FRMPD4: variants seen among roughly 807,000 people sequenced by gnomAD.
The protein encoded by FRMPD4 is FERM and PDZ domain-containing protein 4.
A neutral mutation model predicts 94.1 loss-of-function variants in FRMPD4; 22 were observed. The observed-to-expected ratio is 0.23, with a 90% confidence interval of 0.17 to 0.33. The LOEUF (loss-of-function observed/expected upper bound fraction) is 0.33, where lower values mean the gene tolerates loss of function less well. Ranked by LOEUF, FRMPD4 falls within the 10% of genes least tolerant of loss-of-function variation. The pLI, the probability that FRMPD4 is intolerant of heterozygous loss-of-function variation, is 1.00. For synonymous variants in FRMPD4, 631 were observed against 548.6 expected (o/e 1.15, Z -2.10); for missense variants, 1,111 against 1,339.9 (o/e 0.83, Z 2.67).
chrX:12,143,162 A>G, intron 1 of FRMPD4, among the ~76,000 whole-genome samples: 1 of 112,025 alleles, frequency 8.9e-6, no homozygotes, highest in East Asian at 2.8e-4. Flanking sequence ...GAAATCTACC[A>G]CTGTTACCAT....
chrX:12,335,262 G>C (rs2055498439), intron 1 of FRMPD4, among the ~76,000 whole-genome samples: 1 of 109,924 alleles, frequency 9.1e-6, no homozygotes, highest in African/African-American at 3.3e-5. Flanking sequence ...GATTAGCTGG[G>C]ACTACAGGCA....
intron 1 of FRMPD4, among the ~76,000 whole-genome samples, chrX:12,438,173 G>A (rs1368886572): frequency 9.0e-6 from 1 of 110,878 alleles, no homozygotes; most frequent in South Asian, 3.8e-4. Context: ...TTCAGGTGAC[G>A]TTATAAGGGA....
intron 3 of FRMPD4, chrX:12,614,104 G>T: frequency 8.7e-6 from 1 of 115,246 alleles, no homozygotes. Flanking sequence ...CTGTGAGGGA[G>T]GAAGGGGACA....
chrX:12,137,921 T>C (rs1468775051), upstream of FRMPD4, among the ~76,000 whole-genome samples: 2 of 112,330 alleles, frequency 1.8e-5, no homozygotes, highest in Admixed American at 9.4e-5. Flanking sequence ...CCTTAGATTC[T>C]GAGCCCGGTT....
chrX:12,050,410 T>C lies in FRMPD4; in HGVS notation c.95+172392T>C, dbSNP rs185493477. 6.8e-4 allele frequency among the ~76,000 whole-genome samples: 76 copies of C among 112,018 alleles called. No homozygotes were observed. In the Admixed American group the frequency reaches 7.0e-3, roughly 10 times the overall value. On this transcript the variant is annotated intron_variant, in intron 3 of 18. Coordinates refer to the FRMPD4 transcript ENST00000640291. Reference sequence around the variant, plus strand: ...GTACAGGTTTGTTGCCTAGGAACAATAGGTTATATCATATAACCGAGGTGT... The same window carrying C: ...GTACAGGTTTGTTGCCTAGGAACAACAGGTTATATCATATAACCGAGGTGT...
At chrX:12,210,353 T>G (rs2056740567) in intron 1 of FRMPD4, among the ~76,000 whole-genome samples, 1 of 111,104 alleles carries the variant, frequency 9.0e-6, no homozygotes, top group African/African-American at 3.3e-5. Flanking sequence ...CAAACTAGCT[T>G]GAGCCAGCAG....
chrX:12,720,038 AGGAAAGGAAAG>A (rs781156134), intron 16 of FRMPD4, among the ~76,000 whole-genome samples: 4,301 of 48,279 alleles, frequency 0.089, 125 homozygotes, highest in Middle Eastern at 0.13. Flanking sequence ...AGGAAAGGAA[AGGAAAGGAAAG>A]GAAAGAAAGA....
At chrX:11,949,365 A>C (rs1319825079) in intron 3 of FRMPD4, among the ~76,000 whole-genome samples, 3 of 111,873 alleles carry the variant, frequency 2.7e-5, no homozygotes, top group Non-Finnish European at 5.6e-5. Flanking sequence ...AAGGATTCCT[A>C]TTTTGAGAGT....
intron 1 of FRMPD4, among the ~76,000 whole-genome samples, chrX:12,312,615 C>T (rs1293561550): frequency 9.0e-6 from 1 of 110,986 alleles, no homozygotes; most frequent in African/African-American, 3.3e-5. Context: ...TGTTTGTTTC[C>T]ACTTGTTCAG....
chrX:12,076,789 A>C (rs763476397), intron 3 of FRMPD4, among the ~76,000 whole-genome samples: 8 of 110,950 alleles, frequency 7.2e-5, no homozygotes, highest in Non-Finnish European at 1.3e-4. Context: ...TCCTTGCTCA[A>C]ATTCCACAAA....
chrX:12,283,634 C>CT (rs58266866), intron 1 of FRMPD4, among the ~76,000 whole-genome samples: 97 of 101,346 alleles, frequency 9.6e-4, no homozygotes, highest in Middle Eastern at 9.9e-3. Context: ...AACCATTTTC[C>CT]TTTTTTTTTT....
At chrX:12,645,392 G>A (rs1266491452) in intron 4 of FRMPD4, among the ~76,000 whole-genome samples, 3 of 78,982 alleles carry the variant, frequency 3.8e-5, no homozygotes, top group Non-Finnish European at 6.7e-5. Flanking sequence ...TCTCACTCTC[G>A]TTGCCTAGGC....
In FRMPD4 at chrX:12,722,909, G is replaced by A. The variant is rs980998718; in HGVS notation, c.*1051G>A. 9.0e-6 allele frequency: 1 copy of A among 111,439 alleles called. No homozygotes were observed. Among genetic ancestry groups the A allele is most frequent in the African/African-American group, 3.3e-5 (1 of 30,620 alleles). 9.2% of individuals were successfully genotyped at this position (111,439 alleles called of 1,213,427 possible). A position where few individuals can be genotyped will look rare whatever the true frequency, so the allele number is the denominator to read the frequency against. ...GTCTCATCTCAGATCACAGCTCTCA[G>A]CATAGGGCTTCATGCATCACCGCCT... On this transcript the variant is annotated 3_prime_UTR_variant, in exon 17 of 17. Coordinates refer to ENST00000675598, the MANE Select transcript of FRMPD4 (RefSeq NM_001368397.1).
intron 11 of FRMPD4, among the ~76,000 whole-genome samples, chrX:12,705,461 A>G (rs1232098977): frequency 1.8e-5 from 2 of 111,521 alleles, no homozygotes; most frequent in African/African-American, 3.3e-5. Context: ...TTGTCTTAGT[A>G]TCTGATTTTT....
intron 1 of FRMPD4, among the ~76,000 whole-genome samples, chrX:12,269,435 C>T (rs1042794081): frequency 8.9e-6 from 1 of 111,819 alleles, no homozygotes; most frequent in Non-Finnish European, 1.9e-5. Flanking sequence ...CTGGCAAGTC[C>T]GGGAATCAGT....
intron 2 of FRMPD4, among the ~76,000 whole-genome samples, chrX:12,580,868 G>A (rs2058858044): frequency 8.9e-6 from 1 of 112,128 alleles, no homozygotes; most frequent in South Asian, 3.8e-4. Context: ...TCTTGGGAGG[G>A]ATAGAGCAGG....
chrX:12,619,779 C>T (rs1055500903), intron 4 of FRMPD4, among the ~76,000 whole-genome samples: 7 of 111,738 alleles, frequency 6.3e-5, no homozygotes, highest in East Asian at 5.7e-4. Context: ...CCATTGTCTG[C>T]GAGCAGTCCC....
At chrX:12,645,645 G>A (rs1004065491) in intron 4 of FRMPD4, among the ~76,000 whole-genome samples, 6 of 110,413 alleles carry the variant, frequency 5.4e-5, no homozygotes, top group Non-Finnish European at 7.6e-5. Flanking sequence ...GTGAGCCACC[G>A]CACCTGGCCA....
rs2055811588 is a variant in FRMPD4 at position 12,149,041 on chromosome X, T to A, written c.41+10029T>A. 4 of 112,188 alleles carry A rather than the reference T, an allele frequency of 3.6e-5. No individual in the cohort carries two copies. The South Asian group carries it at 1.1e-3, about 31-fold the overall frequency. The allele number at this position is 112,188 out of a possible 1,213,427, so 9.2% of individuals were successfully genotyped here. ...ATGTACAAGGAGACTAATATTGTTT[T>A]CATGCCCGTTAACACAAAATTTGTT... On this transcript the variant is annotated intron_variant, in intron 1 of 16. Transcript: ENST00000675598.
Sources: gnomAD v4.1 joint callset for allele counts (sites outside exome capture counted in the v4.1 genomes callset) on GRCh38, gnomAD v4.1.1 for gene constraint, MANE v1.5 for transcripts, NCBI Gene and HGNC (gene_info 2026-07-23, HGNC 2026-07-21) for gene names.